The following ANKRD30A variants were observed in gnomAD, a reference collection of about 807,000 sequenced individuals.
The protein encoded by ANKRD30A is ankyrin repeat domain 30A, also known as ankyrin repeat domain-containing protein 30A.
Under a neutral mutation model 166.3 loss-of-function variants are expected in ANKRD30A, and 170 were observed. That is an observed-to-expected ratio of 1.02 (90% CI 0.90 to 1.16). ANKRD30A has a LOEUF of 1.16. ANKRD30A is among the 50% of genes most tolerant of loss of function. The probability of loss-of-function intolerance (pLI) is 0.00; values close to 1 mark genes in which losing one functional copy is unlikely to be tolerated. For synonymous variants in ANKRD30A, 564 were observed against 508.9 expected, an observed-to-expected ratio of 1.11 and a Z score of -1.46; for missense variants, 1,630 against 1,518.0, an observed-to-expected ratio of 1.07 and a Z score of -1.23.
Position 37,134,164 on chromosome 10 carries a change from A to T in ANKRD30A, c.755+111A>T. 2.4e-6 allele frequency: 3 copies of T among 1,245,872 alleles called. No homozygotes were observed. The South Asian group carries it at 4.3e-5, about 18-fold the overall frequency. The allele number at this position is 1,245,872 out of a possible 1,614,324, so 77.2% of individuals were successfully genotyped here. The stretch of plus-strand genomic sequence containing the variant: ...CAGAAACTAGGCAAAAAGCTAGACT[A>T]GTTAGAAGGAGTATTGGGTCCAGGA... On this transcript the variant is annotated intron_variant, in intron 5 of 35. Transcript: ENST00000361713.
chr10:37,158,586 G>A lies in ANKRD30A; in HGVS notation c.1900G>A (p.Glu634Lys), dbSNP rs1006787924. ...GAAGGACATGCAAACTTTCAAAGCA[G>A]GTAAATTTTGTAATTTTAATTTTAC... ...ELKDMQTFKA[E>K]PPGKPSAFEP... Residue 634 changes from glutamate (E) to lysine (K), a missense_variant and splice_region_variant, in exon 15 of 36, where the codon GAG becomes AAG. Physicochemically the swap from Glu to Lys is moderately conservative, Grantham distance 56. This residue lies in a region of ANKRD30A where 904 missense variants were observed against 818.5 expected (regional missense o/e 1.10). Transcript: ENST00000361713. 9.9e-6 allele frequency: 16 copies of A among 1,611,740 alleles called. No homozygotes were observed. Among genetic ancestry groups the A allele is most frequent in the Middle Eastern group, 1.6e-4 (1 of 6,062 alleles).
intron 1 of ANKRD30A, among the ~76,000 whole-genome samples, chr10:37,126,353 T>C (rs766135198): frequency 6.6e-6 from 1 of 152,266 alleles, no homozygotes; most frequent in Non-Finnish European, 1.5e-5. Flanking sequence ...GGGTTTTACA[T>C]TTAATGTACA....
At chr10:37,136,831 G>GTA (rs71531277) in intron 6 of ANKRD30A, among the ~76,000 whole-genome samples, 160 bp downstream of exon 6, 4,404 of 141,902 alleles carry the variant, frequency 0.031, 147 homozygotes, top group African/African-American at 0.087. Context: ...GTGTGTGTGT[G>GTA]TATATATATA....
chr10:37,242,038 G>C, the ANKRD30A span: 1 of 152,094 alleles, frequency 6.6e-6, no homozygotes, highest in African/African-American at 2.4e-5. Context: ...TTAATTCTTA[G>C]ATTCTTGGTA....
At chr10:37,156,365 T>C (rs1290005938) in intron 13 of ANKRD30A, among the ~76,000 whole-genome samples, 1 of 151,904 alleles carries the variant, frequency 6.6e-6, no homozygotes, top group African/African-American at 2.4e-5. Context: ...TACCCCTTTA[T>C]AAAAATAAAA....
intron 25 of ANKRD30A, among the ~76,000 whole-genome samples, chr10:37,191,038 A>T (rs1840522484): frequency 6.6e-6 from 1 of 151,886 alleles, no homozygotes; most frequent in Admixed American, 6.6e-5. Flanking sequence ...TTGAATACCT[A>T]AATTGTTGTT....
chr10:37,219,915 T>C lies in ANKRD30A; in HGVS notation c.4185+18T>C, dbSNP rs758806287. 8.2e-5 allele frequency: 118 copies of C among 1,444,076 alleles called. No individual in the cohort carries two copies. Among genetic ancestry groups the C allele is most frequent in the South Asian group, 6.7e-4 (44 of 65,820 alleles). The allele number at this position is 1,444,076 out of a possible 1,614,324, so 89.5% of individuals were successfully genotyped here. On this transcript the variant is annotated intron_variant, in intron 34 of 35. Transcript: ENST00000361713. ...AAACAGAAGTAAGTATCAAAAAATATAAATACTTGTCAAACTTCCTGAAAG... is the reference window on the plus strand; with the variant it reads ...AAACAGAAGTAAGTATCAAAAAATACAAATACTTGTCAAACTTCCTGAAAG...
intron 9 of ANKRD30A, among the ~76,000 whole-genome samples, chr10:37,148,372 T>A (rs1281227421): frequency 1.3e-5 from 2 of 152,138 alleles, no homozygotes; most frequent in African/African-American, 4.8e-5. Context: ...AAATTTAAGT[T>A]ACTGTCACTA....
At chr10:37,256,757 G>A in the ANKRD30A span, among the ~76,000 whole-genome samples, 25 of 152,282 alleles carry the variant, frequency 1.6e-4, no homozygotes, top group Admixed American at 7.2e-4. Context: ...ATTGCATATG[G>A]TGGATAAGCT....
intron 8 of ANKRD30A, among the ~76,000 whole-genome samples, chr10:37,145,784 A>G (rs1428839767): frequency 6.8e-6 from 1 of 146,886 alleles, no homozygotes; most frequent in Non-Finnish European, 1.5e-5. Context: ...GTTTTGTACA[A>G]CTTGAAACAT....
chr10:37,199,764 T>C lies in ANKRD30A; in HGVS notation c.2754T>C (p.Val918=). ...MFPSESKQKK[V]EENSWDSESL... is the part of the protein sequence containing the mutation. ...CTTCAGAATCAAAACAAAAGAAGGT[T>C]GAAGAAAATTCTTGGGATTCTGAGG... is the stretch of plus-strand genomic sequence containing the variant. Residue 918 remains valine (V), a synonymous_variant, in exon 30 of 36, where the codon GTT becomes GTC. Transcript: ENST00000361713. The C allele has an allele frequency of 6.3e-7, 1 of 1,574,946 alleles. No individual in the cohort carries two copies.
chr10:37,226,450 G>A (rs1843158803), intron 34 of ANKRD30A, among the ~76,000 whole-genome samples: 1 of 151,646 alleles, frequency 6.6e-6, no homozygotes, highest in Non-Finnish European at 1.5e-5. Context: ...ACCCATCAGT[G>A]TGGAAACCCA....
intron 24 of ANKRD30A, chr10:37,178,647 G>C: frequency 1.1e-6 from 1 of 918,462 alleles, no homozygotes; most frequent in African/African-American, 1.8e-5. Context: ...GAAGAAGAAA[G>C]GAGCAATGCA....
intron 31 of ANKRD30A, among the ~76,000 whole-genome samples, chr10:37,209,354 C>T (rs899298571): frequency 1.3e-5 from 2 of 152,010 alleles, no homozygotes; most frequent in African/African-American, 4.8e-5. Flanking sequence ...TCTGGGGAGG[C>T]CTGTGGAAGC....
chr10:37,231,453 C>A lies in ANKRD30A; in HGVS notation c.4186-8C>A. Reference sequence around the variant, plus strand: ...ATACTAAGCATTTTCCTTTTGCAATCTTCACAGAACTCATGAGAGACAAGC... The same window carrying A: ...ATACTAAGCATTTTCCTTTTGCAATATTCACAGAACTCATGAGAGACAAGC... On this transcript the variant is annotated splice_region_variant and splice_polypyrimidine_tract_variant and intron_variant, in intron 34 of 35. Coordinates refer to ENST00000361713, the MANE Select transcript of ANKRD30A (RefSeq NM_052997.3). 1 of 1,586,078 alleles carries A rather than the reference C, an allele frequency of 6.3e-7. No individual in the cohort carries two copies. Among genetic ancestry groups the A allele is most frequent in the Non-Finnish European group, 8.6e-7 (1 of 1,164,912 alleles).
chr10:37,217,938 T>C (rs1842689766), intron 33 of ANKRD30A, 60 bp downstream of exon 33: 1 of 1,233,948 alleles, frequency 8.1e-7, no homozygotes, highest in Non-Finnish European at 1.1e-6. Context: ...ATATTACTTT[T>C]AATATCCCTT....
Position 37,219,034 on chromosome 10 carries a change from A to G in ANKRD30A, c.3322A>G (p.Lys1108Glu). Residue 1108 changes from lysine (K) to glutamate (E), a missense_variant, in exon 34 of 36, where the codon AAA becomes GAA. By Grantham distance (56) the Lys-to-Glu change is moderately conservative. Around this residue, in one of 4 missense-constraint regions of ANKRD30A, gnomAD observed 712 missense variants for 629.3 expected, o/e 1.13. Coordinates refer to ENST00000361713, the MANE Select transcript of ANKRD30A (RefSeq NM_052997.3). ...NYLLHENCMLKKEIAMLKLEI... is the reference protein window; with the variant it reads ...NYLLHENCMLEKEIAMLKLEI... ...TCTCTTACATGAAAATTGCATGTTG[A>G]AAAAGGAAATTGCCATGCTAAAACT... The G allele has an allele frequency of 6.3e-7, 1 of 1,596,416 alleles. No individual in the cohort carries two copies. Among genetic ancestry groups the G allele is most frequent in the Non-Finnish European group, 8.5e-7 (1 of 1,173,350 alleles).
intron 13 of ANKRD30A, among the ~76,000 whole-genome samples, chr10:37,156,175 G>A (rs1338353496): frequency 6.6e-6 from 1 of 151,810 alleles, no homozygotes; most frequent in Non-Finnish European, 1.5e-5. Flanking sequence ...ATATAATTAC[G>A]GATGTCAACA....
In ANKRD30A at chr10:37,190,222, C is replaced by A. The variant is rs540141050; in HGVS notation, c.2512+665C>A. Among the ~76,000 whole-genome samples the A allele has an allele frequency of 1.2e-4, 18 of 151,974 alleles. 1 individual carries two copies. In the South Asian group the frequency reaches 3.7e-3, roughly 32 times the overall value. On this transcript the variant is annotated intron_variant, in intron 25 of 35. Transcript: ENST00000361713. ...AGCTGAAAACCTTGTTAACAATTCA[C>A]ACTGAGATTCAGCCGACTTGGGATT...
Sources: allele counts gnomAD v4.1 joint callset (sites outside exome capture counted in the v4.1 genomes callset), GRCh38; gene constraint gnomAD v4.1.1; regional missense constraint gnomAD v4.1.1; transcripts MANE v1.5; gene names NCBI Gene and HGNC (gene_info 2026-07-23, HGNC 2026-07-21).